The following TM7SF2 variants were observed in gnomAD, a reference collection of about 807,000 sequenced individuals.
TM7SF2 encodes the protein transmembrane 7 superfamily member 2.
A neutral mutation model predicts 51.0 loss-of-function variants in TM7SF2; 51 were observed. The ratio of observed to expected loss-of-function variants is 1.00; its 90% CI spans 0.80 to 1.26. The LOEUF (loss-of-function observed/expected upper bound fraction) is 1.26. Ranked by LOEUF, TM7SF2 falls within the 50% of genes most tolerant of loss-of-function variation. The pLI is 0.00. For missense variants in TM7SF2, 541 were observed against 547.4 expected, an observed-to-expected ratio of 0.99 and a Z score of 0.12; for synonymous variants, 255 against 241.0, an observed-to-expected ratio of 1.06 and a Z score of -0.54.
In TM7SF2 at chr11:65,116,008, G is replaced by A. The variant is rs1013202329; in HGVS notation, c.1212G>A (p.Glu404=). The A allele has an allele frequency of 1.9e-6, 3 of 1,612,112 alleles. No homozygotes were observed. The highest frequency in any genetic ancestry group is 1.1e-5 in the South Asian group (1 of 91,060). ...CLQKYGLAWQ[E]YCRRVPYRIM... Reference sequence around the variant, plus strand: ...AGAAGTACGGCCTGGCCTGGCAGGAGTACTGCCGGCGTGTGCCTTACCGCA... The same window carrying A: ...AGAAGTACGGCCTGGCCTGGCAGGAATACTGCCGGCGTGTGCCTTACCGCA... The change falls in exon 10 of 10, where the codon GAG becomes GAA. Residue 404 remains glutamate, a synonymous_variant. Coordinates refer to ENST00000279263, the MANE Select transcript of TM7SF2 (RefSeq NM_003273.6).
rs1947940537 is a variant in TM7SF2 at position 65,113,592 on chromosome 11, T to A, written c.601T>A (p.Trp201Arg). Reference protein sequence around the residue: ...FCELRPGLIGWVLINLALLMK... With the variant: ...FCELRPGLIGRVLINLALLMK... The stretch of plus-strand genomic sequence containing the variant: ...TGAACTGCGACCCGGCCTCATCGGC[T>A]GGGTATGTTGGGCTTGACTGAGCTG... The change falls in exon 5 of 10, where the codon TGG (tryptophan) becomes AGG (arginine). Residue 201 changes from tryptophan to arginine, a missense_variant and splice_region_variant. Transcript: ENST00000279263. 6.2e-7 allele frequency: 1 copy of A among 1,610,198 alleles called. No individual in the cohort carries two copies. Among genetic ancestry groups the A allele is most frequent in the Non-Finnish European group, 8.5e-7 (1 of 1,177,748 alleles).
At chr11:65,115,654 C>T (rs199503102) in intron 9 of TM7SF2, 56 bp downstream of exon 9, 455 of 1,610,838 alleles carry the variant, frequency 2.8e-4, no homozygotes, top group Admixed American at 8.8e-4. Flanking sequence ...GGTGGCTCAG[C>T]GACCACAGGA....
In TM7SF2 at chr11:65,114,975, G is replaced by A. The variant is rs1207300260; in HGVS notation, c.786G>A (p.Gly262=). Reference sequence around the variant, plus strand: ...GGTTTGGCTTCATGCTGGCGTTTGGGGACATGGCCTGGGTGCCCTTCACCT... The same window carrying A: ...GGTTTGGCTTCATGCTGGCGTTTGGAGACATGGCCTGGGTGCCCTTCACCT... The part of the protein sequence containing the change: ...HDGFGFMLAF[G]DMAWVPFTYS... Residue 262 remains glycine, a synonymous_variant, in exon 7 of 10, where the codon GGG becomes GGA. Coordinates refer to ENST00000279263, the MANE Select transcript of TM7SF2 (RefSeq NM_003273.6). 3 of 1,614,208 alleles carry A rather than the reference G, an allele frequency of 1.9e-6. No individual in the cohort carries two copies. Among genetic ancestry groups the A allele is most frequent in the Non-Finnish European group, 2.5e-6 (3 of 1,180,026 alleles).
At chr11:65,114,632 T>C in intron 5 of TM7SF2, 81 bp from the exon 6 acceptor site, 2 of 1,513,002 alleles carry the variant, frequency 1.3e-6, no homozygotes, top group Non-Finnish European at 1.8e-6. Context: ...TAACTGACAG[T>C]TGAGAAGGGC....
At chr11:65,112,173 G>A (rs1947913765) in intron 1 of TM7SF2, 106 bp downstream of exon 1, 1 of 1,216,018 alleles carries the variant, frequency 8.2e-7, no homozygotes, top group East Asian at 2.5e-5. Flanking sequence ...GGCTTTGGGG[G>A]TGTCGGAGGC....
At chr11:65,115,246 A>G (rs1288072153) in intron 7 of TM7SF2, 68 bp from the exon 8 acceptor site, 1 of 1,599,430 alleles carries the variant, frequency 6.3e-7, no homozygotes, top group Non-Finnish European at 8.6e-7. Flanking sequence ...CAAGTTGGGC[A>G]GATGTTCGGG....
chr11:65,113,656 G>A, intron 5 of TM7SF2, 62 bp downstream of exon 5: 3 of 1,481,056 alleles, frequency 2.0e-6, no homozygotes, highest in Admixed American at 1.7e-5. Context: ...GGTGAGCAGC[G>A]CTTGGGCAGG....
At chr11:65,114,654 A>T in intron 5 of TM7SF2, 59 bp from the exon 6 acceptor site, 1 of 1,574,872 alleles carries the variant, frequency 6.3e-7, no homozygotes, top group Non-Finnish European at 8.6e-7. Context: ...GAGGCTGGCC[A>T]CTGCTCTGCC....
At chr11:65,115,124 A>G in intron 7 of TM7SF2, 43 bp downstream of exon 7, 1 of 1,605,468 alleles carries the variant, frequency 6.2e-7, no homozygotes, top group Non-Finnish European at 8.5e-7. Flanking sequence ...TCTTCCCCCT[A>G]TCCCTTTGAT....
Position 65,113,209 on chromosome 11 carries a change from C to T in TM7SF2, c.305-11C>T. 3 of 1,588,028 alleles carry T rather than the reference C, an allele frequency of 1.9e-6. No homozygotes were observed. In the East Asian group the frequency reaches 6.7e-5, roughly 36 times the overall value. On this transcript the variant is annotated splice_polypyrimidine_tract_variant and intron_variant, in intron 3 of 9. Transcript: ENST00000279263. Reference sequence around the variant, plus strand: ...GCGCAGCCCCAGGGCTCACTGTGCGCTGTGGTTCAGGCTTCCAGGCCCTGG... The same window carrying T: ...GCGCAGCCCCAGGGCTCACTGTGCGTTGTGGTTCAGGCTTCCAGGCCCTGG...
Position 65,116,053 on chromosome 11 carries a change from A to C in TM7SF2, c.1257A>C (p.Ter419CysextTer54), listed in dbSNP as rs368355832. The C allele has an allele frequency of 1.2e-6, 2 of 1,602,614 alleles. No individual in the cohort carries two copies. The highest frequency in any genetic ancestry group is 1.7e-6 in the Non-Finnish European group (2 of 1,177,120). ...VPYRIMPYIY* is the reference protein window; with the variant it reads ...VPYRIMPYIYC ...ACCGCATCATGCCCTACATCTACTG[A>C]AGCGGCTCCACCACCCCAGGTGGGG... The change falls in exon 10 of 10, where the codon TGA becomes TGC. Residue 419 changes from the stop codon to cysteine, a stop_lost. Coordinates refer to ENST00000279263, the MANE Select transcript of TM7SF2 (RefSeq NM_003273.6).
In TM7SF2 at chr11:65,112,320, G is replaced by A; in HGVS notation, c.53-195G>A. On this transcript the variant is annotated intron_variant, in intron 1 of 9. Coordinates refer to ENST00000279263, the MANE Select transcript of TM7SF2 (RefSeq NM_003273.6). ...AGGGTCTTCGAGGGGCCTGGGGGCG[G>A]GGGACTAAGATGGACGCCTGGGAAG... 4 of 698,280 alleles carry A rather than the reference G, an allele frequency of 5.7e-6. 1 individual carries two copies. The highest frequency in any genetic ancestry group is 8.3e-4 in the Middle Eastern group (2 of 2,412). The allele number at this position is 698,280 out of a possible 1,614,324, so 43.3% of individuals were successfully genotyped here.
chr11:65,113,200 C>T lies in TM7SF2; in HGVS notation c.305-20C>T. 2.5e-6 allele frequency: 4 copies of T among 1,575,182 alleles called. No individual in the cohort carries two copies. The highest frequency in any genetic ancestry group is 3.4e-6 in the Non-Finnish European group (4 of 1,168,208). On this transcript the variant is annotated intron_variant, in intron 3 of 9. Transcript: ENST00000279263. ...TGTGGAGGCGCGCAGCCCCAGGGCT[C>T]ACTGTGCGCTGTGGTTCAGGCTTCC...
intron 5 of TM7SF2, 23 bp from the exon 6 acceptor site, chr11:65,114,690 A>G: frequency 1.2e-6 from 2 of 1,611,744 alleles, no homozygotes; most frequent in African/African-American, 1.3e-5. Context: ...TGTGGAGACT[A>G]TTGCCTTGTT....
At position 65,112,645 on chromosome 11, in the gene TM7SF2, G is replaced by A. The variant is rs971759050; in HGVS notation, c.183G>A (p.Arg61=). The change falls in exon 2 of 10, where the codon CGG becomes CGA. Residue 61 remains arginine, a synonymous_variant. Transcript: ENST00000279263. ...GGCTGGAGGTGCTGTGGAGCCCACG[G>A]GCGCTGCTGCTGTGGCTCGCCTGGC... ...LPGLEVLWSP[R]ALLLWLAWLG... 2.0e-6 allele frequency: 3 copies of A among 1,537,336 alleles called. No individual in the cohort carries two copies. The highest frequency in any genetic ancestry group is 2.8e-5 in the African/African-American group (2 of 72,222).
chr11:65,112,401 G>T, intron 1 of TM7SF2, 114 bp from the exon 2 acceptor site: 1 of 1,191,414 alleles, frequency 8.4e-7, no homozygotes, highest in South Asian at 1.6e-5. Flanking sequence ...GGGGTGCGGA[G>T]GCGCACTCTG....
intron 1 of TM7SF2, 179 bp from the exon 2 acceptor site, chr11:65,112,336 G>A: frequency 2.7e-6 from 2 of 740,650 alleles, no homozygotes; most frequent in Non-Finnish European, 4.2e-6. Flanking sequence ...TAAGATGGAC[G>A]CCTGGGAAGG....
chr11:65,114,311 C>T (rs1050976261), intron 5 of TM7SF2, among the ~76,000 whole-genome samples: 1 of 110,820 alleles, frequency 9.0e-6, no homozygotes, highest in African/African-American at 3.0e-5. Flanking sequence ...TCCGGCTAGC[C>T]ACACTGAGCA....
rs1318974078 is a variant in TM7SF2, at chr11:65,111,912, C to A, written c.-104C>A. 5 of 1,310,854 alleles carry A rather than the reference C, an allele frequency of 3.8e-6. No individual in the cohort carries two copies. Among genetic ancestry groups the A allele is most frequent in the Non-Finnish European group, 5.4e-6 (5 of 929,978 alleles). 81.2% of individuals were successfully genotyped at this position (1,310,854 alleles called of 1,614,324 possible). A position where few individuals can be genotyped will look rare whatever the true frequency, so the allele number is the denominator to read the frequency against. On this transcript the variant is annotated 5_prime_UTR_variant, in exon 1 of 10. Transcript: ENST00000279263. ...CCAGGCAGGTGCAGGCGCCGCGGGG[C>A]CGGATCCTCCGCGCGGCCGAGTCCA...
Sources: gnomAD v4.1 joint callset for allele counts (sites outside exome capture counted in the v4.1 genomes callset) on GRCh38, gnomAD v4.1.1 for gene constraint, MANE v1.5 for transcripts, NCBI Gene and HGNC (gene_info 2026-07-23, HGNC 2026-07-21) for gene names.